ZNF618: variants seen among roughly 807,000 people sequenced by gnomAD.
ZNF618 encodes the protein neural precursor cell expressed, developmentally down-regulated 10.
In ZNF618, 34 loss-of-function variants were observed where a neutral mutation model predicts 103.0. The observed-to-expected ratio is 0.33, with a 90% CI of 0.25 to 0.44. The LOEUF is 0.44. ZNF618 is among the 20% of genes least tolerant of loss of function. ZNF618 has a pLI of 1.00. For missense variants in ZNF618, 1,059 were observed against 1,295.4 expected (o/e 0.82, Z 2.80); for synonymous variants, 551 against 542.2 (o/e 1.02, Z -0.23).
chr9:113,927,857 G>T (rs979983730), intron 1 of ZNF618, among the ~76,000 whole-genome samples: 3 of 152,194 alleles, frequency 2.0e-5, no homozygotes, highest in African/African-American at 7.2e-5. Flanking sequence ...TGAGAAGCTG[G>T]TGAAGCTCAT....
At chr9:113,967,660 A>G (rs184502969) in intron 1 of ZNF618, among the ~76,000 whole-genome samples, 2 of 152,284 alleles carry the variant, frequency 1.3e-5, no homozygotes, top group South Asian at 2.1e-4. Context: ...AAGTGGGGAT[A>G]TTATGGGGTG....
chr9:113,964,037 G>A (rs1837114983), intron 1 of ZNF618, among the ~76,000 whole-genome samples: 1 of 152,212 alleles, frequency 6.6e-6, no homozygotes, highest in African/African-American at 2.4e-5. Flanking sequence ...TTGAGTTGCG[G>A]TGGGGGAGGA....
At chr9:113,937,338 C>T (rs1467714384) in intron 1 of ZNF618, among the ~76,000 whole-genome samples, 1 of 152,164 alleles carries the variant, frequency 6.6e-6, no homozygotes, top group Non-Finnish European at 1.5e-5. Flanking sequence ...TCCTTTACCC[C>T]TGAATACTTC....
rs1414099069 is a variant in ZNF618 at position 113,955,794 on chromosome 9, C to T, written c.34-13323C>T. 2.6e-5 allele frequency among the ~76,000 whole-genome samples: 4 copies of T among 152,100 alleles called. No homozygotes were observed. The East Asian group carries it at 7.7e-4, about 29-fold the overall frequency. On this transcript the variant is annotated intron_variant, in intron 1 of 14. Transcript: ENST00000374126. ...TTTTCTATGTATATTTCTTCTGTCT[C>T]TGGTCTTCTTTCTTCTTTGATGTCT... is the stretch of plus-strand genomic sequence containing the variant.
chr9:113,909,760 C>T (rs541301915), intron 1 of ZNF618, among the ~76,000 whole-genome samples: 87 of 151,882 alleles, frequency 5.7e-4, no homozygotes, highest in African/African-American at 8.4e-4. Context: ...TCCCGCTCCC[C>T]GATACTCACA....
chr9:113,887,100 G>C lies in ZNF618; in HGVS notation c.33+10687G>C, dbSNP rs1212815637. 4.7e-5 allele frequency among the ~76,000 whole-genome samples: 7 copies of C among 150,362 alleles called. No individual in the cohort carries two copies. In the East Asian group the frequency reaches 1.4e-3, roughly 30 times the overall value. On this transcript the variant is annotated intron_variant, in intron 1 of 14. Transcript: ENST00000374126. ...AAGCCAACCTGCTCCTTTTATAGTA[G>C]AGGAAGTGGAACCCCGGAGAGGGCA...
At chr9:113,944,271 G>A (rs2132121512) in intron 1 of ZNF618, among the ~76,000 whole-genome samples, 1 of 152,248 alleles carries the variant, frequency 6.6e-6, no homozygotes, top group South Asian at 2.1e-4. Flanking sequence ...TAAATCTTTT[G>A]TTTAAAATTC....
intron 12 of ZNF618, chr9:114,035,171 A>G (rs1772263287): frequency 1.0e-5 from 10 of 985,886 alleles, no homozygotes; most frequent in Non-Finnish European, 1.2e-5. Flanking sequence ...AGAGATGGCT[A>G]AACTGTTTCT....
At chr9:114,047,005 A>T (rs1845712216) in intron 13 of ZNF618, among the ~76,000 whole-genome samples, 1 of 152,212 alleles carries the variant, frequency 6.6e-6, no homozygotes, top group Non-Finnish European at 1.5e-5. Flanking sequence ...CCAGAAACCT[A>T]GGACTTGGGA....
intron 2 of ZNF618, among the ~76,000 whole-genome samples, chr9:113,973,041 C>T (rs867724580): frequency 1.3e-5 from 2 of 152,118 alleles, no homozygotes; most frequent in African/African-American, 4.8e-5. Flanking sequence ...CATGCCACTG[C>T]ACTCCAGCCT....
At chr9:113,996,781 A>G (rs1187776453) in intron 3 of ZNF618, among the ~76,000 whole-genome samples, 1 of 152,186 alleles carries the variant, frequency 6.6e-6, no homozygotes. Context: ...CTGTGGCAGC[A>G]CCAGACATAG....
chr9:113,999,312 C>T (rs936818031), intron 4 of ZNF618, among the ~76,000 whole-genome samples: 6 of 148,922 alleles, frequency 4.0e-5, no homozygotes, highest in Non-Finnish European at 8.9e-5. Context: ...GCAGGCGGGG[C>T]CCTGGGTTTT....
At chr9:114,008,222 C>T in intron 7 of ZNF618, 122 bp from the exon 8 acceptor site, 2 of 1,409,442 alleles carry the variant, frequency 1.4e-6, no homozygotes, top group African/African-American at 1.4e-5. Context: ...CCTCCTGGGC[C>T]CCAAGGCAAA....
chr9:114,028,735 A>G lies in ZNF618; in HGVS notation c.847A>G (p.Thr283Ala). The stretch of plus-strand genomic sequence containing the variant: ...GACTGAGAGCGTGACCCTCTCAGGT[A>G]CTGCCCCCGGGTGGGAGCCACCGGA... ...EHVALHAPIS[T>A]APGWEPPDDP... The change falls in exon 11 of 15, where the codon ACT becomes GCT. Residue 283 changes from threonine to alanine, a missense_variant and splice_region_variant. Transcript: ENST00000374126. 6.5e-7 allele frequency: 1 copy of G among 1,550,060 alleles called. No individual in the cohort carries two copies. Among genetic ancestry groups the G allele is most frequent in the Non-Finnish European group, 8.7e-7 (1 of 1,146,744 alleles).
At chr9:114,036,493 C>A in intron 13 of ZNF618, 116 bp downstream of exon 13, 1 of 1,104,202 alleles carries the variant, frequency 9.1e-7, no homozygotes, top group Non-Finnish European at 1.3e-6. Context: ...GGAAAATGGT[C>A]ACAGGACATG....
At chr9:114,008,266 G>A in intron 7 of ZNF618, 78 bp from the exon 8 acceptor site, 1 of 1,585,842 alleles carries the variant, frequency 6.3e-7, no homozygotes, top group South Asian at 1.1e-5. Flanking sequence ...CAGTGGCAGA[G>A]GCAGCTCTGG....
intron 1 of ZNF618, among the ~76,000 whole-genome samples, chr9:113,944,735 C>G (rs1834855539): frequency 6.6e-6 from 1 of 152,136 alleles, no homozygotes. Context: ...CCCATTGTAT[C>G]AAAAATGTTA....
At chr9:113,879,819 A>G (rs1828344135) in intron 1 of ZNF618, among the ~76,000 whole-genome samples, 1 of 151,460 alleles carries the variant, frequency 6.6e-6, no homozygotes, top group Non-Finnish European at 1.5e-5. Flanking sequence ...ACAAGGTTTG[A>G]AATTTCAAGG....
intron 2 of ZNF618, among the ~76,000 whole-genome samples, chr9:113,974,840 G>A (rs913518051): frequency 2.0e-5 from 3 of 152,156 alleles, no homozygotes; most frequent in Non-Finnish European, 2.9e-5. Context: ...CAGACTGCCT[G>A]GATTCAGATT....
Sources: allele counts gnomAD v4.1 joint callset (sites outside exome capture counted in the v4.1 genomes callset), GRCh38; gene constraint gnomAD v4.1.1; transcripts MANE v1.5; gene names NCBI Gene and HGNC (gene_info 2026-07-23, HGNC 2026-07-21).